Variants in ZFHX3 observed in about 807,000 individuals in gnomAD.
ZFHX3 encodes the protein zinc finger homeobox 3.
In ZFHX3, 42 loss-of-function variants were observed where a neutral mutation model predicts 279.1. The observed-to-expected ratio is 0.15, with a 90% CI of 0.12 to 0.19. The LOEUF (loss-of-function observed/expected upper bound fraction) is 0.19, where lower values mean the gene tolerates loss of function less well. Among genes scored for constraint, ZFHX3 ranks in the 10% least tolerant of loss-of-function variants. The pLI is 1.00. For synonymous variants in ZFHX3, 2,293 were observed against 1,957.8 expected (o/e 1.17, Z -4.52); for missense variants, 4,981 against 4,754.0 (o/e 1.05, Z -1.40).
chr16:73,224,728 TG>T (rs1184249924), intron 5 of ZFHX3, among the ~76,000 whole-genome samples: 1 of 152,216 alleles, frequency 6.6e-6, no homozygotes, highest in African/African-American at 2.4e-5. Flanking sequence ...GGCTCATGTA[TG>T]GAAACCTGAA....
At chr16:73,682,902 GAAA>G (rs2053030748) in intron 1 of ZFHX3, among the ~76,000 whole-genome samples, 1 of 51,550 alleles carries the variant, frequency 1.9e-5, no homozygotes, top group African/African-American at 1.1e-4. Flanking sequence ...AAGAAAGAAA[GAAA>G]GAGAAAGAAA....
chr16:73,066,993 A>C (rs1384289289), intron 8 of ZFHX3, among the ~76,000 whole-genome samples: 1 of 151,954 alleles, frequency 6.6e-6, no homozygotes, highest in South Asian at 2.1e-4. Flanking sequence ...TGGGGAGGGA[A>C]GGCGCCTCTG....
chr16:73,512,318 C>T (rs1025303917), intron 2 of ZFHX3, among the ~76,000 whole-genome samples: 8 of 147,366 alleles, frequency 5.4e-5, no homozygotes, highest in East Asian at 4.0e-4. Flanking sequence ...CATGGTGGTG[C>T]GTGTCTGTAG....
intron 5 of ZFHX3, among the ~76,000 whole-genome samples, chr16:73,147,686 C>T (rs1323292116): frequency 2.0e-5 from 2 of 100,990 alleles, no homozygotes; most frequent in African/African-American, 4.2e-5. Flanking sequence ...AGCGAGACTC[C>T]GTCTCAAAAA....
intron 3 of ZFHX3, among the ~76,000 whole-genome samples, chr16:73,379,239 T>C (rs1270209994): frequency 2.0e-5 from 3 of 152,148 alleles, no homozygotes; most frequent in Non-Finnish European, 4.4e-5. Context: ...GTAGAGGTTA[T>C]AGTGAAGTCT....
chr16:73,565,490 G>A (rs2020437976), intron 2 of ZFHX3, among the ~76,000 whole-genome samples: 1 of 152,172 alleles, frequency 6.6e-6, no homozygotes, highest in Non-Finnish European at 1.5e-5. Flanking sequence ...AATTAACTGT[G>A]CGTCCTTTTC....
chr16:73,575,901 T>C (rs1489304303), intron 2 of ZFHX3, among the ~76,000 whole-genome samples: 4 of 152,132 alleles, frequency 2.6e-5, no homozygotes, highest in Non-Finnish European at 4.4e-5. Context: ...TGTGTTTCTC[T>C]CTTGTACCCA....
rs149474749 is a variant in ZFHX3, at chr16:73,351,751, C to T, written c.-1290-33415G>A. The stretch of plus-strand genomic sequence containing the variant: ...TTTCTTCAAAGCCTTCTTGGCAGCA[C>T]GGTTTCCATTACCTCTGGGTCTCCA... On this transcript the variant is annotated intron_variant, in intron 3 of 17. Coordinates refer to the ZFHX3 transcript ENST00000641206. 3.9e-3 allele frequency among the ~76,000 whole-genome samples: 586 copies of T among 151,358 alleles called. 1 individual carries two copies. Among genetic ancestry groups the T allele is most frequent in the Non-Finnish European group, 6.3e-3 (427 of 67,364 alleles).
At chr16:73,524,718 C>A (rs1033257636) in intron 2 of ZFHX3, among the ~76,000 whole-genome samples, 2 of 152,186 alleles carry the variant, frequency 1.3e-5, no homozygotes, top group African/African-American at 4.8e-5. Context: ...GCTTAAAGAG[C>A]AAACCTCTAG....
intron 2 of ZFHX3, among the ~76,000 whole-genome samples, chr16:73,494,986 T>C (rs1390173696): frequency 6.6e-6 from 1 of 152,174 alleles, no homozygotes; most frequent in African/African-American, 2.4e-5. Flanking sequence ...TCGCCTTGTT[T>C]CTCTTTTGTA....
chr16:73,847,671 A>G, intron 1 of ZFHX3, among the ~76,000 whole-genome samples: 1 of 152,120 alleles, frequency 6.6e-6, no homozygotes, highest in Non-Finnish European at 1.5e-5. Context: ...TGTTAGGAAG[A>G]TTAAATTTGA....
At chr16:73,389,240 T>C (rs1392820314) in intron 3 of ZFHX3, 2 of 152,130 alleles carry the variant, frequency 1.3e-5, no homozygotes, top group African/African-American at 4.8e-5. Context: ...GTAAATAAAG[T>C]TTTGCTGGAA....
Position 72,798,359 on chromosome 16 carries a change from G to A in ZFHX3, c.4323C>T (p.Phe1441=), listed in dbSNP as rs368093532. The part of the protein sequence containing the change: ...CCLCQRSFRT[F]QALKKHLETS... ...TCTCAAGGTGCTTCTTCAGAGCCTG[G>A]AAAGTTCGGAAACTGCGCTGACAAA... Residue 1441 remains phenylalanine, a synonymous_variant, in exon 9 of 10, where the codon TTC becomes TTT. Transcript: ENST00000268489. The A allele has an allele frequency of 1.9e-6, 3 of 1,614,096 alleles. No homozygotes were observed. The highest frequency in any genetic ancestry group is 2.5e-6 in the Non-Finnish European group (3 of 1,180,054).
intron 4 of ZFHX3, among the ~76,000 whole-genome samples, chr16:73,258,228 T>A (rs1358254951): frequency 6.6e-6 from 1 of 152,092 alleles, no homozygotes; most frequent in Non-Finnish European, 1.5e-5. Context: ...TCCAGAGATG[T>A]TAAGGGAATC....
chr16:73,273,690 T>C (rs544402107), intron 4 of ZFHX3, among the ~76,000 whole-genome samples: 6 of 152,298 alleles, frequency 3.9e-5, no homozygotes, highest in African/African-American at 1.4e-4. Context: ...GGATATTCCA[T>C]ACTTTTTTTT....
intron 1 of ZFHX3, among the ~76,000 whole-genome samples, chr16:73,841,682 G>A (rs1961313272): frequency 6.6e-6 from 1 of 152,176 alleles, no homozygotes; most frequent in Non-Finnish European, 1.5e-5. Context: ...GAGAAGAGCA[G>A]AGGCACGGGA....
chr16:72,955,208 C>T (rs1200781945), intron 2 of ZFHX3, among the ~76,000 whole-genome samples: 2 of 152,158 alleles, frequency 1.3e-5, no homozygotes, highest in African/African-American at 2.4e-5. Flanking sequence ...AGGGACTCCC[C>T]GTGGCCGACA....
At position 73,558,283 on chromosome 16, in the gene ZFHX3, G is replaced by A. The variant is rs150544643; in HGVS notation, c.-1546-102025C>T. ...CATTTTACAGCCCACTGAATAACAG[G>A]TTTTTTCAAGAGAGAAAGAAAGAAA... On this transcript the variant is annotated intron_variant, in intron 2 of 17. Coordinates refer to the ZFHX3 transcript ENST00000641206. 7.7e-4 allele frequency: 118 copies of A among 152,260 alleles called. 1 individual carries two copies. Among genetic ancestry groups the A allele is most frequent in the African/African-American group, 2.8e-3 (117 of 41,560 alleles). 9.4% of individuals were successfully genotyped at this position (152,260 alleles called of 1,614,324 possible).
At chr16:73,617,258 C>T (rs902421207) in intron 2 of ZFHX3, among the ~76,000 whole-genome samples, 6 of 152,126 alleles carry the variant, frequency 3.9e-5, no homozygotes, top group Non-Finnish European at 8.8e-5. Context: ...CTGCAGACCA[C>T]GCGGTGGCTG....
Sources: allele counts gnomAD v4.1 joint callset (sites outside exome capture counted in the v4.1 genomes callset), GRCh38; gene constraint gnomAD v4.1.1; transcripts MANE v1.5; gene names NCBI Gene and HGNC (gene_info 2026-07-23, HGNC 2026-07-21).